The following APOBEC3B variants were observed in gnomAD, a reference collection of about 807,000 sequenced individuals.
APOBEC3B encodes the protein DNA dC->dU-editing enzyme APOBEC-3B.
Under a neutral mutation model 53.4 loss-of-function variants are expected in APOBEC3B, and 29 were observed. The ratio of observed to expected loss-of-function variants is 0.54; its 90% CI spans 0.40 to 0.74. The LOEUF is 0.74. Among genes scored for constraint, APOBEC3B ranks in the 30% least tolerant of loss-of-function variants. The pLI is 0.00. For missense variants in APOBEC3B, 347 were observed against 496.2 expected, an observed-to-expected ratio of 0.70 and a Z score of 2.86; for synonymous variants, 132 against 184.8, an observed-to-expected ratio of 0.71 and a Z score of 2.32.
In APOBEC3B at chr22:38,992,039, G is replaced by A. The variant is rs200296076; in HGVS notation, c.1024G>A (p.Glu342Lys). 1.2e-4 allele frequency: 187 copies of A among 1,582,012 alleles called. 11 individuals are homozygous for A. The African/African-American group carries it at 1.2e-3, about 10-fold the overall frequency. ...TCTCCCCTGTCCCTTTTCAGAGTTT[G>A]AGTACTGCTGGGACACCTTTGTGTA... ...QVSIMTYDEF[E>K]YCWDTFVYRQ... Residue 342 changes from glutamate to lysine, a missense_variant, in exon 7 of 8, where the codon GAG becomes AAG. By Grantham distance (56) the Glu-to-Lys change is moderately conservative. Coordinates refer to ENST00000333467, the MANE Select transcript of APOBEC3B (RefSeq NM_004900.5).
Position 38,992,567 on chromosome 22 carries a change from C to G in APOBEC3B, c.*122C>G. 5 of 1,607,194 alleles carry G rather than the reference C, an allele frequency of 3.1e-6. No individual in the cohort carries two copies. Among genetic ancestry groups the G allele is most frequent in the Non-Finnish European group, 3.4e-6 (4 of 1,174,986 alleles). ...ATCTCCAGCTGCTCACAGACACCAGCAAAGCAATGTGCTCCTGATCAAGTA... is the reference window on the plus strand; with the variant it reads ...ATCTCCAGCTGCTCACAGACACCAGGAAAGCAATGTGCTCCTGATCAAGTA... On this transcript the variant is annotated 3_prime_UTR_variant, in exon 8 of 8. Coordinates refer to ENST00000333467, the MANE Select transcript of APOBEC3B (RefSeq NM_004900.5).
In APOBEC3B at chr22:38,991,836, C is replaced by T. The variant is rs147803625; in HGVS notation, c.1019-198C>T. Among the ~76,000 whole-genome samples the T allele has an allele frequency of 8.1e-3, 1,193 of 147,850 alleles. 51 individuals are homozygous for T. The highest frequency in any genetic ancestry group is 0.027 in the African/African-American group (1,116 of 40,922). On this transcript the variant is annotated intron_variant, in intron 6 of 7. Coordinates refer to ENST00000333467, the MANE Select transcript of APOBEC3B (RefSeq NM_004900.5). ...AGTGGAAGCAGAACTTGGGGATTTC[C>T]GAAAGAAAGAGAACTGGGCTGGCCC...
At chr22:38,991,654 G>T (rs1444748604) in intron 6 of APOBEC3B, 28 bp downstream of exon 6, 5 of 1,487,516 alleles carry the variant, frequency 3.4e-6, no homozygotes, top group Non-Finnish European at 4.5e-6. Flanking sequence ...AGGTGGGGTG[G>T]GGTGGGTGGG....
chr22:38,987,942 CA>C (rs1414615639), intron 4 of APOBEC3B, among the ~76,000 whole-genome samples: 2 of 148,228 alleles, frequency 1.3e-5, no homozygotes, highest in African/African-American at 4.9e-5. Context: ...ACTGAAAATA[CA>C]AAAAATGAGC....
Position 38,983,963 on chromosome 22 carries a change from G to A in APOBEC3B, c.18-112G>A, listed in dbSNP as rs903708981. ...GGCAGCAGAAATTCTCAGGGCTGTG[G>A]AGGGGTCGGGGAGGCCCAGGGCCAT... On this transcript the variant is annotated intron_variant, in intron 1 of 7. Coordinates refer to ENST00000333467, the MANE Select transcript of APOBEC3B (RefSeq NM_004900.5). 220 of 1,275,436 alleles carry A rather than the reference G, an allele frequency of 1.7e-4. 12 individuals are homozygous for A. Among genetic ancestry groups the A allele is most frequent in the Non-Finnish European group, 2.1e-4 (201 of 939,430 alleles). 79.0% of individuals were successfully genotyped at this position (1,275,436 alleles called of 1,614,324 possible).
chr22:38,991,870 A>G (rs1201385117), intron 6 of APOBEC3B, among the ~76,000 whole-genome samples, 164 bp from the exon 7 acceptor site: 2 of 148,114 alleles, frequency 1.4e-5, no homozygotes, highest in African/African-American at 2.4e-5. Flanking sequence ...CCAGATTCCA[A>G]TGGGAAGGAA....
rs1255079374 is a variant in APOBEC3B at position 38,987,565 on chromosome 22, T to C, written c.569+1153T>C. On this transcript the variant is annotated intron_variant, in intron 4 of 7. Coordinates refer to ENST00000333467, the MANE Select transcript of APOBEC3B (RefSeq NM_004900.5). ...GCAATCAGGCATTTTGTTCTTAGCA[T>C]TTTGATGGAATTTCTGTAAGATTTA... 8.1e-5 allele frequency among the ~76,000 whole-genome samples: 12 copies of C among 148,334 alleles called. 2 individuals are homozygous for C. Among genetic ancestry groups the C allele is most frequent in the Admixed American group, 6.9e-4 (10 of 14,448 alleles).
intron 5 of APOBEC3B, among the ~76,000 whole-genome samples, chr22:38,990,322 C>T (rs1230762835): frequency 6.8e-6 from 1 of 147,458 alleles, no homozygotes; most frequent in Non-Finnish European, 1.5e-5. Context: ...TCTCCATCAC[C>T]GCCTAAGCAG....
Position 38,990,655 on chromosome 22 carries a change from C to CTA in APOBEC3B, c.724-673_724-672dup, listed in dbSNP as rs531631015. On this transcript the variant is annotated intron_variant, in intron 5 of 7. Transcript: ENST00000333467. Reference sequence around the variant, plus strand: ...TGGTGGAATTCATTTTGGCCTAAGTCTATATCACATTTGGGCTCAGCACAG... The same window carrying CTA: ...TGGTGGAATTCATTTTGGCCTAAGTCTATATATCACATTTGGGCTCAGCACAG... 5.4e-3 allele frequency among the ~76,000 whole-genome samples: 792 copies of CTA among 147,988 alleles called. 64 individuals are homozygous for CTA. The highest frequency in any genetic ancestry group is 0.019 in the African/African-American group (762 of 40,206).
At chr22:38,986,991 A>G (rs759976053) in intron 4 of APOBEC3B, among the ~76,000 whole-genome samples, 3 of 148,804 alleles carry the variant, frequency 2.0e-5, no homozygotes, top group Non-Finnish European at 4.5e-5. Flanking sequence ...GGGTCCCTCC[A>G]GATGTCCTCC....
intron 4 of APOBEC3B, among the ~76,000 whole-genome samples, chr22:38,988,427 C>A (rs1426958880): frequency 2.0e-5 from 3 of 148,978 alleles, no homozygotes; most frequent in East Asian, 4.5e-4. Flanking sequence ...TGTTCCATGT[C>A]TCTGGACTTG....
In APOBEC3B at chr22:38,982,462, A is replaced by G. The variant is rs1923571681; in HGVS notation, c.9A>G (p.Pro3=). ...TATCTAAGAGGCTGAACATGAATCC[A>G]CAGATCAGGTACCGCTGCCCACTCT... is the stretch of plus-strand genomic sequence containing the variant. The part of the protein sequence containing the change: MN[P]QIRNPMERMY... Residue 3 remains proline, a synonymous_variant, in exon 1 of 8, where the codon CCA becomes CCG. Coordinates refer to ENST00000333467, the MANE Select transcript of APOBEC3B (RefSeq NM_004900.5). 9 of 1,593,620 alleles carry G rather than the reference A, an allele frequency of 5.6e-6. No homozygotes were observed. The highest frequency in any genetic ancestry group is 7.7e-6 in the Non-Finnish European group (9 of 1,172,580).
chr22:38,987,032 G>A (rs1330140594), intron 4 of APOBEC3B, among the ~76,000 whole-genome samples: 1 of 148,842 alleles, frequency 6.7e-6, no homozygotes, highest in Non-Finnish European at 1.5e-5. Flanking sequence ...ATAAAGTGAG[G>A]CTTGCACTCA....
intron 2 of APOBEC3B, 42 bp downstream of exon 2, chr22:38,984,273 G>C (rs1659821042): frequency 6.3e-7 from 1 of 1,577,746 alleles, no homozygotes; most frequent in Admixed American, 1.9e-5. Flanking sequence ...AGTGTTGCAG[G>C]AATTAGAGGA....
In APOBEC3B at chr22:38,985,289, A is replaced by G. The variant is rs942421424; in HGVS notation, c.175-523A>G. Among the ~76,000 whole-genome samples the G allele has an allele frequency of 2.7e-5, 4 of 147,652 alleles. 2 individuals are homozygous for G. In the South Asian group the frequency reaches 9.0e-4, roughly 33 times the overall value. On this transcript the variant is annotated intron_variant, in intron 2 of 7. Transcript: ENST00000333467. ...TCTTTGTTGCCTGGGCTGGAGTGCA[A>G]TGACTCACTCTCAACTTCCACCTGC...
At chr22:38,989,826 T>C (rs1923920819) in intron 5 of APOBEC3B, among the ~76,000 whole-genome samples, 1 of 148,398 alleles carries the variant, frequency 6.7e-6, no homozygotes. Context: ...GCAAAGTGCT[T>C]CCTGAGGACC....
chr22:38,988,639 T>TCCTC lies in APOBEC3B; in HGVS notation c.570-815_570-814insCCCT, dbSNP rs199975698. On this transcript the variant is annotated intron_variant, in intron 4 of 7. Transcript: ENST00000333467. ...GAGATTCCTTCCTTCCTTCCTCCCTTCCTTCCTTCCTTCCTTCCTTGCTTC... is the reference window on the plus strand; with the variant it reads ...GAGATTCCTTCCTTCCTTCCTCCCTTCCTCCCTTCCTTCCTTCCTTCCTTGCTTC... Among the ~76,000 whole-genome samples the TCCTC allele has an allele frequency of 1.3e-3, 185 of 139,818 alleles. 22 individuals carry two copies. Among genetic ancestry groups the TCCTC allele is most frequent in the Admixed American group, 8.2e-3 (110 of 13,420 alleles). The allele number at this position is 139,818 out of a possible 152,430, so 91.7% of individuals were successfully genotyped here. A position where few individuals can be genotyped will look rare whatever the true frequency, so the allele number is the denominator to read the frequency against.
rs1317657637 is a variant in APOBEC3B, at chr22:38,988,748, C to CTTTCTTTCTTTCTTTCTTTCTTTCTTT, written c.570-709_570-708insTTTCTTTCTTTCTTTCTTTCTTTCTTT. ...TTCTTTCTTTCTTTCTTTCTTTCTT[C>CTTTCTTTCTTTCTTTCTTTCTTTCTTT]CTTTCTTCTCTCTCGTCTTTCTTCT... is the stretch of plus-strand genomic sequence containing the variant. On this transcript the variant is annotated intron_variant, in intron 4 of 7. Transcript: ENST00000333467. Among the ~76,000 whole-genome samples the CTTTCTTTCTTTCTTTCTTTCTTTCTTT allele has an allele frequency of 1.8e-4, 12 of 65,944 alleles. 1 individual carries two copies. Among genetic ancestry groups the CTTTCTTTCTTTCTTTCTTTCTTTCTTT allele is most frequent in the Admixed American group, 3.8e-4 (2 of 5,252 alleles). 43.3% of individuals were successfully genotyped at this position (65,944 alleles called of 152,430 possible). A position where few individuals can be genotyped will look rare whatever the true frequency, so the allele number is the denominator to read the frequency against.
chr22:38,984,895 C>CTTT (rs11308471), intron 2 of APOBEC3B, among the ~76,000 whole-genome samples: 3 of 84,810 alleles, frequency 3.5e-5, no homozygotes, highest in Non-Finnish European at 4.6e-5. Flanking sequence ...TCTTTTTTTC[C>CTTT]TTTTTTTTTT....
Sources: gnomAD v4.1 joint callset for allele counts (sites outside exome capture counted in the v4.1 genomes callset) on GRCh38, gnomAD v4.1.1 for gene constraint, MANE v1.5 for transcripts, NCBI Gene and HGNC (gene_info 2026-07-23, HGNC 2026-07-21) for gene names.